Variants in ITGA8 observed in about 807,000 individuals in gnomAD.
The protein encoded by ITGA8 is integrin alpha-8.
A neutral mutation model predicts 142.3 loss-of-function variants in ITGA8; 91 were observed. The ratio of observed to expected loss-of-function variants is 0.64; its 90% CI spans 0.54 to 0.76. The LOEUF is 0.76. ITGA8 is among the 30% of genes least tolerant of loss of function. ITGA8 has a pLI of 0.00. For missense variants in ITGA8, 1,406 were observed against 1,327.7 expected (o/e 1.06, Z -0.92); for synonymous variants, 505 against 485.2 (o/e 1.04, Z -0.54).
At chr10:15,671,528 T>G (rs1035197414) in intron 8 of ITGA8, 75 bp downstream of exon 8, 1 of 1,211,100 alleles carries the variant, frequency 8.3e-7, no homozygotes, top group Non-Finnish European at 1.2e-6. Context: ...ATCACATTGA[T>G]AGAAAAAACT....
chr10:15,542,781 C>G (rs1015419652), intron 27 of ITGA8, among the ~76,000 whole-genome samples: 1 of 152,272 alleles, frequency 6.6e-6, no homozygotes, highest in African/African-American at 2.4e-5. Flanking sequence ...TAAAATGCAG[C>G]TGACAATAAT....
intron 25 of ITGA8, among the ~76,000 whole-genome samples, chr10:15,561,237 A>ATATATATATATATATATATATATG (rs1833974744): frequency 1.3e-5 from 1 of 78,898 alleles, no homozygotes; most frequent in African/African-American, 8.9e-5. Context: ...ATATATATGT[A>ATATATATATATATATATATATATG]TATATATATA....
chr10:15,662,956 G>T (rs569278296), intron 8 of ITGA8, among the ~76,000 whole-genome samples: 1 of 152,104 alleles, frequency 6.6e-6, no homozygotes, highest in Admixed American at 6.6e-5. Flanking sequence ...AGTCATGAAC[G>T]TGTATGAAAA....
chr10:15,540,035 T>C (rs976017474), intron 27 of ITGA8, among the ~76,000 whole-genome samples: 75 of 152,274 alleles, frequency 4.9e-4, no homozygotes, highest in African/African-American at 1.6e-3. Flanking sequence ...TCTGCTATGA[T>C]TGTGAGGCCT....
intron 25 of ITGA8, among the ~76,000 whole-genome samples, chr10:15,561,235 G>A (rs7910787): frequency 0.22 from 22,342 of 100,548 alleles, 4,320 homozygotes; most frequent in African/African-American, 0.52. Context: ...ATATATATAT[G>A]TATATATATA....
intron 23 of ITGA8, among the ~76,000 whole-genome samples, chr10:15,585,057 C>T (rs1430976608): frequency 6.6e-6 from 1 of 151,948 alleles, no homozygotes; most frequent in African/African-American, 2.4e-5. Flanking sequence ...ATAAGATAAA[C>T]GATGGTATAG....
chr10:15,656,213 C>T (rs1393510033), intron 10 of ITGA8, among the ~76,000 whole-genome samples: 1 of 152,168 alleles, frequency 6.6e-6, no homozygotes, highest in Non-Finnish European at 1.5e-5. Context: ...AAGATTTACG[C>T]TTCCTGCTTC....
chr10:15,625,749 A>C (rs1049519557), intron 13 of ITGA8, among the ~76,000 whole-genome samples: 2 of 152,214 alleles, frequency 1.3e-5, no homozygotes, highest in African/African-American at 4.8e-5. Flanking sequence ...GAATGTGACT[A>C]TATTAGGAGA....
At chr10:15,690,952 C>T (rs1207374529) in intron 2 of ITGA8, among the ~76,000 whole-genome samples, 2 of 152,094 alleles carry the variant, frequency 1.3e-5, no homozygotes, top group East Asian at 1.9e-4. Context: ...ACTATACGTA[C>T]ATAAGGGGCT....
chr10:15,671,770 T>C (rs1834525353), intron 7 of ITGA8, 123 bp from the exon 8 acceptor site: 2 of 674,380 alleles, frequency 3.0e-6, no homozygotes, highest in East Asian at 3.0e-5. Flanking sequence ...ACAAATATTA[T>C]AAAAGTTAAA....
At chr10:15,648,963 A>G (rs1336363201) in intron 11 of ITGA8, among the ~76,000 whole-genome samples, 1 of 152,208 alleles carries the variant, frequency 6.6e-6, no homozygotes, top group East Asian at 1.9e-4. Flanking sequence ...ATATGAGACA[A>G]TGAAATTAAC....
In ITGA8 at chr10:15,592,206, AG is replaced by A; in HGVS notation, c.2291+18del. ...TTCTTTTGACTGCTGTCAACGATATAGGCATGTAAAGGTCTAACCTTCTGAT... is the reference window on the plus strand; with the variant it reads ...TTCTTTTGACTGCTGTCAACGATATAGCATGTAAAGGTCTAACCTTCTGAT... On this transcript the variant is annotated intron_variant, in intron 22 of 29. Transcript: ENST00000378076. 6.4e-7 allele frequency: 1 copy of A among 1,573,238 alleles called. No homozygotes were observed. The highest frequency in any genetic ancestry group is 1.1e-5 in the South Asian group (1 of 89,838).
chr10:15,632,501 A>G (rs1471279609), intron 13 of ITGA8, among the ~76,000 whole-genome samples: 2 of 152,184 alleles, frequency 1.3e-5, no homozygotes, highest in African/African-American at 4.8e-5. Flanking sequence ...CTCAACCTGG[A>G]TCTGTGAATT....
chr10:15,605,278 A>C (rs975811314), intron 19 of ITGA8, among the ~76,000 whole-genome samples: 2 of 152,104 alleles, frequency 1.3e-5, no homozygotes, highest in African/African-American at 4.8e-5. Context: ...ATAGAGTGCT[A>C]TTTAGGTTTA....
chr10:15,586,048 GATT>G (rs1832824407), intron 23 of ITGA8, among the ~76,000 whole-genome samples: 3 of 120,482 alleles, frequency 2.5e-5, no homozygotes, highest in African/African-American at 9.9e-5. Flanking sequence ...GGAATAAAGT[GATT>G]TTTTTTTTTT....
At chr10:15,678,671 T>A (rs747865555) in intron 5 of ITGA8, 51 bp downstream of exon 5, 1 of 1,248,984 alleles carries the variant, frequency 8.0e-7, no homozygotes, top group South Asian at 1.2e-5. Flanking sequence ...AGGCAGAGGG[T>A]AAAAAAAAAT....
At chr10:15,687,392 A>C (rs1260890644) in intron 3 of ITGA8, among the ~76,000 whole-genome samples, 2 of 152,212 alleles carry the variant, frequency 1.3e-5, no homozygotes, top group African/African-American at 4.8e-5. Flanking sequence ...GAACAATAAA[A>C]TAATAGAATT....
intron 27 of ITGA8, among the ~76,000 whole-genome samples, chr10:15,532,553 C>T (rs1193296795): frequency 1.3e-5 from 2 of 151,016 alleles, no homozygotes; most frequent in African/African-American, 4.9e-5. Flanking sequence ...AGTGAAAGCT[C>T]TGTTTGTTTA....
chr10:15,698,650 C>A (rs922707637), intron 2 of ITGA8, among the ~76,000 whole-genome samples: 1 of 152,092 alleles, frequency 6.6e-6, no homozygotes, highest in Admixed American at 6.6e-5. Flanking sequence ...ATTTGCATTT[C>A]CCTGATCATT....
Sources: gnomAD v4.1 joint callset for allele counts (sites outside exome capture counted in the v4.1 genomes callset) on GRCh38, gnomAD v4.1.1 for gene constraint, MANE v1.5 for transcripts, NCBI Gene and HGNC (gene_info 2026-07-23, HGNC 2026-07-21) for gene names.